The following CNGB1 variants were observed in gnomAD, a reference collection of about 807,000 sequenced individuals.
CNGB1 encodes cyclic nucleotide gated channel subunit beta 1.
CNGB1 carries 126 observed loss-of-function variants against 151.7 expected under a neutral mutation model. That is an observed-to-expected ratio of 0.83 (90% CI 0.72 to 0.96). The LOEUF (loss-of-function observed/expected upper bound fraction) is 0.96, where lower values mean the gene tolerates loss of function less well. CNGB1 is among the 40% of genes least tolerant of loss of function. CNGB1 has a pLI of 0.00. For missense variants in CNGB1, 1,698 were observed against 1,627.0 expected, an observed-to-expected ratio of 1.04 and a Z score of -0.75; for synonymous variants, 623 against 635.1, an observed-to-expected ratio of 0.98 and a Z score of 0.29.
rs773308978 is a variant in CNGB1 at position 57,884,265 on chromosome 16, C to G, written c.3655G>C (p.Glu1219Gln). Residue 1219 changes from glutamate to glutamine, a missense_variant, in exon 33 of 33, where the codon GAA becomes CAA. Coordinates refer to ENST00000251102, the MANE Select transcript of CNGB1 (RefSeq NM_001297.5). The stretch of plus-strand genomic sequence containing the variant: ...ATGCAGATCCTCACCGAGTGCTCTT[C>G]GGGCTCGGCCGGCCCCTCCTCCTCT... ...EGEEEGPAEP[E>Q]EHSVRICMSP... The G allele has an allele frequency of 1.2e-5, 20 of 1,613,722 alleles. No homozygotes were observed. The highest frequency in any genetic ancestry group is 1.7e-5 in the Non-Finnish European group (20 of 1,179,884).
At chr16:57,943,112 C>T (rs760767450) in intron 14 of CNGB1, among the ~76,000 whole-genome samples, 31 of 151,934 alleles carry the variant, frequency 2.0e-4, no homozygotes, top group South Asian at 4.2e-4. Flanking sequence ...CCCTACAGAA[C>T]GGGAGAAAAT....
chr16:57,904,848 C>G lies in CNGB1; in HGVS notation c.2520G>C (p.Val840=). 1 of 1,614,132 alleles carries G rather than the reference C, an allele frequency of 6.2e-7. No homozygotes were observed. The highest frequency in any genetic ancestry group is 2.2e-5 in the East Asian group (1 of 44,874). The change falls in exon 26 of 33, where the codon GTG becomes GTC. Residue 840 remains valine (V), a synonymous_variant. Transcript: ENST00000251102. ...NSYIRCYYFA[V]KTLITIGGLP... is the part of the protein sequence containing the mutation. ...GCCCCCCGATGGTGATGAGGGTCTTCACAGCAAAGTAGTAACAGCGAATAT... is the reference window on the plus strand; with the variant it reads ...GCCCCCCGATGGTGATGAGGGTCTTGACAGCAAAGTAGTAACAGCGAATAT...
At chr16:57,922,075 C>T (rs1301427821) in intron 18 of CNGB1, among the ~76,000 whole-genome samples, 1 of 152,204 alleles carries the variant, frequency 6.6e-6, no homozygotes, top group South Asian at 2.1e-4. Context: ...GAGTCCACTG[C>T]GTGCTGCAGT....
At chr16:57,950,687 T>C (rs966088600) in intron 12 of CNGB1, 147 bp from the exon 13 acceptor site, 2 of 777,306 alleles carry the variant, frequency 2.6e-6, no homozygotes, top group Admixed American at 2.1e-5. Flanking sequence ...GCACTTTCCA[T>C]TTTCAGCGGG....
At position 57,901,591 on chromosome 16, in the gene CNGB1, C is replaced by A; in HGVS notation, c.2829G>T (p.Lys943Asn). The A allele has an allele frequency of 1.2e-6, 2 of 1,614,160 alleles. No individual in the cohort carries two copies. The highest frequency in any genetic ancestry group is 1.7e-6 in the Non-Finnish European group (2 of 1,180,024). Residue 943 changes from lysine (K) to asparagine (N), a missense_variant, in exon 28 of 33, where the codon AAG becomes AAT. Transcript: ENST00000251102. Reference protein sequence around the residue: ...ESELMVQLPDKMRLDLAIDVN... With the variant: ...ESELMVQLPDNMRLDLAIDVN... Reference sequence around the variant, plus strand: ...CGTCGATGGCGAGGTCCAGCCGCATCTTGTCTGGAAGCTGCACCATCAGCT... The same window carrying A: ...CGTCGATGGCGAGGTCCAGCCGCATATTGTCTGGAAGCTGCACCATCAGCT...
chr16:57,902,820 C>T (rs1960426880), intron 27 of CNGB1, among the ~76,000 whole-genome samples: 1 of 151,736 alleles, frequency 6.6e-6, no homozygotes, highest in African/African-American at 2.4e-5. Context: ...ACCATGTTGG[C>T]CAGGCTGGTC....
At chr16:57,943,530 C>G (rs1226045259) in intron 14 of CNGB1, among the ~76,000 whole-genome samples, 1 of 152,112 alleles carries the variant, frequency 6.6e-6, no homozygotes, top group African/African-American at 2.4e-5. Flanking sequence ...ATTAGGCGGG[C>G]ATGGCAGCAC....
Position 57,883,606 on chromosome 16 carries a change from A to T in CNGB1, c.*558T>A, listed in dbSNP as rs1460205578. 6.0e-6 allele frequency: 1 copy of T among 165,622 alleles called. No homozygotes were observed. Among genetic ancestry groups the T allele is most frequent in the African/African-American group, 2.4e-5 (1 of 41,450 alleles). 10.3% of individuals were successfully genotyped at this position (165,622 alleles called of 1,614,324 possible). On this transcript the variant is annotated 3_prime_UTR_variant, in exon 33 of 33. Coordinates refer to ENST00000251102, the MANE Select transcript of CNGB1 (RefSeq NM_001297.5). The stretch of plus-strand genomic sequence containing the variant: ...TTGTTTGTTTTTGTTTTTGTTTGAG[A>T]TGAGGTCTCGCTATGTTGCCCAGTC...
chr16:57,953,586 T>C (rs536963308), intron 12 of CNGB1, among the ~76,000 whole-genome samples: 7 of 151,584 alleles, frequency 4.6e-5, no homozygotes, highest in Admixed American at 1.3e-4. Flanking sequence ...GCACATGAAT[T>C]CTAGGCTAAG....
intron 16 of CNGB1, among the ~76,000 whole-genome samples, chr16:57,932,244 G>A (rs1555491154): frequency 6.6e-6 from 1 of 152,178 alleles, no homozygotes; most frequent in Non-Finnish European, 1.5e-5. Context: ...AGAGGACACA[G>A]GAGAGCCAGA....
At position 57,887,883 on chromosome 16, in the gene CNGB1, G is replaced by C. The variant is rs2149351716; in HGVS notation, c.3434C>G (p.Ala1145Gly). The change falls in exon 32 of 33, where the codon GCT (alanine) becomes GGT (glycine). Residue 1145 changes from alanine (A) to glycine (G), a missense_variant. By Grantham distance (60) the Ala-to-Gly change is moderately conservative. Coordinates refer to ENST00000251102, the MANE Select transcript of CNGB1 (RefSeq NM_001297.5). Reference protein sequence around the residue: ...RLKELAALEAAAKQQELVEQA... With the variant: ...RLKELAALEAGAKQQELVEQA... ...TTCCACCAACTCTTGCTGCTTTGCA[G>C]CCGCCTCCAGCGCGGCCAGTTCTTT... 6.2e-7 allele frequency: 1 copy of C among 1,614,194 alleles called. No homozygotes were observed. The highest frequency in any genetic ancestry group is 8.5e-7 in the Non-Finnish European group (1 of 1,180,040).
At chr16:57,958,911 T>G (rs898869875) in intron 10 of CNGB1, among the ~76,000 whole-genome samples, 1 of 147,060 alleles carries the variant, frequency 6.8e-6, no homozygotes, top group Non-Finnish European at 1.5e-5. Context: ...GCACATGCCA[T>G]CATGCCCAGC....
chr16:57,932,743 G>A (rs1477330183), intron 16 of CNGB1, among the ~76,000 whole-genome samples: 9 of 151,972 alleles, frequency 5.9e-5, no homozygotes, highest in Admixed American at 5.9e-4. Context: ...ACCACGCCCG[G>A]CTAATTTTTT....
At position 57,955,061 on chromosome 16, in the gene CNGB1, C is replaced by T. The variant is rs1962050850; in HGVS notation, c.874+2280G>A. On this transcript the variant is annotated intron_variant, in intron 12 of 32. Transcript: ENST00000251102. The stretch of plus-strand genomic sequence containing the variant: ...ACCACGCCCGGCTATGGGCCTTTTC[C>T]ACAGCCCTCTGGGGGTAAGTCCTGC... 23 of 1,316,160 alleles carry T rather than the reference C, an allele frequency of 1.7e-5. 1 individual carries two copies. In the South Asian group the frequency reaches 4.1e-4, roughly 23 times the overall value. 81.5% of individuals were successfully genotyped at this position (1,316,160 alleles called of 1,614,324 possible).
intron 1 of CNGB1, 30 bp downstream of exon 1, chr16:57,971,030 C>G (rs1962529343): frequency 6.6e-6 from 1 of 151,728 alleles, no homozygotes; most frequent in Admixed American, 6.6e-5. Context: ...CCTCGGGGTC[C>G]CACCGAGCCT....
Position 57,915,282 on chromosome 16 carries a change from C to T in CNGB1, c.2271G>A (p.Val757=). The T allele has an allele frequency of 6.2e-7, 1 of 1,614,032 alleles. No homozygotes were observed. The highest frequency in any genetic ancestry group is 8.5e-7 in the Non-Finnish European group (1 of 1,179,944). ...PLDFLYLKVG[V]NPLLRLPRCL... is the part of the protein sequence containing the mutation. ...AGCGGGGCAGGCGGAGGAGGGGGTT[C>T]ACACCGACTTTCAAATAGAGAAAAT... Residue 757 remains valine (V), a synonymous_variant, in exon 23 of 33, where the codon GTG becomes GTA. Transcript: ENST00000251102.
chr16:57,924,617 A>G (rs943490928), intron 17 of CNGB1, among the ~76,000 whole-genome samples: 27 of 152,256 alleles, frequency 1.8e-4, no homozygotes, highest in African/African-American at 6.3e-4. Flanking sequence ...AGTCAGTAGC[A>G]TGAAGATGAG....
intron 31 of CNGB1, among the ~76,000 whole-genome samples, chr16:57,889,807 C>T (rs1596947857): frequency 2.6e-5 from 4 of 152,252 alleles, no homozygotes; most frequent in Admixed American, 2.6e-4. Flanking sequence ...GACCCCAGTG[C>T]CCCAGATATT....
chr16:57,923,952 G>A (rs774871232), intron 17 of CNGB1, among the ~76,000 whole-genome samples: 2 of 152,122 alleles, frequency 1.3e-5, no homozygotes, highest in East Asian at 1.9e-4. Context: ...GAAGAATGAG[G>A]ACTAAATGAT....
Sources: allele counts gnomAD v4.1 joint callset (sites outside exome capture counted in the v4.1 genomes callset), GRCh38; gene constraint gnomAD v4.1.1; transcripts MANE v1.5; gene names NCBI Gene and HGNC (gene_info 2026-07-23, HGNC 2026-07-21).